RAPGEF4: variants seen among roughly 807,000 people sequenced by gnomAD.
RAPGEF4 encodes RAP guanine-nucleotide-exchange factor (GEF) 4.
A neutral mutation model predicts 147.9 loss-of-function variants in RAPGEF4; 66 were observed. The observed-to-expected ratio is 0.45, with a 90% CI of 0.37 to 0.55. The LOEUF is 0.55. Among genes scored for constraint, RAPGEF4 ranks in the 20% least tolerant of loss-of-function variants. The pLI is 0.00. For synonymous variants in RAPGEF4, 419 were observed against 442.7 expected (o/e 0.95, Z 0.67); for missense variants, 1,071 against 1,257.3 (o/e 0.85, Z 2.24).
At chr2:172,822,814 G>A (rs1041296217) in intron 4 of RAPGEF4, among the ~76,000 whole-genome samples, 2 of 152,088 alleles carry the variant, frequency 1.3e-5, no homozygotes. Context: ...TCTTACACTG[G>A]GTCTCCTCAC....
intron 10 of RAPGEF4, among the ~76,000 whole-genome samples, chr2:172,967,960 C>T (rs1433687791): frequency 2.0e-5 from 3 of 152,224 alleles, no homozygotes; most frequent in Admixed American, 2.0e-4. Flanking sequence ...TCAAGGCCCC[C>T]ATTGAGCCAC....
rs377590105 is a variant in RAPGEF4 at position 173,014,459 on chromosome 2, G to C, written c.1659-5G>C. On this transcript the variant is annotated splice_polypyrimidine_tract_variant and splice_region_variant and intron_variant, in intron 17 of 30. Transcript: ENST00000397081. Reference sequence around the variant, plus strand: ...GGCTCAATTTCTTCCTTGACTCCTCGGCACCTACCACGCACAGCCTTCACA... The same window carrying C: ...GGCTCAATTTCTTCCTTGACTCCTCCGCACCTACCACGCACAGCCTTCACA... 4 of 1,613,426 alleles carry C rather than the reference G, an allele frequency of 2.5e-6. No homozygotes were observed. Among genetic ancestry groups the C allele is most frequent in the Non-Finnish European group, 3.4e-6 (4 of 1,179,742 alleles).
At position 172,990,845 on chromosome 2, in the gene RAPGEF4, T is replaced by C; in HGVS notation, c.1410T>C (p.His470=). The C allele has an allele frequency of 6.2e-7, 1 of 1,613,998 alleles. No homozygotes were observed. Among genetic ancestry groups the C allele is most frequent in the Non-Finnish European group, 8.5e-7 (1 of 1,179,908 alleles). ...CGAATACAGTCAGACTTAAAGAACA[T>C]GACCAAGATGTCTTGGTGCTGGAGA... is the stretch of plus-strand genomic sequence containing the variant. ...VEANTVRLKE[H]DQDVLVLEKV... is the part of the protein sequence containing the mutation. Residue 470 remains histidine (H), a synonymous_variant, in exon 15 of 31, where the codon CAT becomes CAC. Coordinates refer to ENST00000397081, the MANE Select transcript of RAPGEF4 (RefSeq NM_007023.4).
rs1249961508 is a variant in RAPGEF4, at chr2:173,011,426, G to A, written c.1659-3038G>A. On this transcript the variant is annotated intron_variant, in intron 17 of 30. Transcript: ENST00000397081. ...CTCTCTGAATCTCCTTTTCCCCACCGGTAAATATTTCCTCCTCAGGTTTGT... is the reference window on the plus strand; with the variant it reads ...CTCTCTGAATCTCCTTTTCCCCACCAGTAAATATTTCCTCCTCAGGTTTGT... Among the ~76,000 whole-genome samples, 6 of 151,828 alleles carry A rather than the reference G, an allele frequency of 4.0e-5. 1 individual carries two copies. The highest frequency in any genetic ancestry group is 4.2e-4 in the South Asian group (2 of 4,816).
chr2:172,843,754 G>A (rs1691869871), intron 4 of RAPGEF4, among the ~76,000 whole-genome samples: 1 of 152,078 alleles, frequency 6.6e-6, no homozygotes, highest in Admixed American at 6.5e-5. Context: ...CTAGATCTGA[G>A]TCATAATTTC....
At chr2:172,880,583 A>C (rs1198626502) in intron 4 of RAPGEF4, among the ~76,000 whole-genome samples, 1 of 152,226 alleles carries the variant, frequency 6.6e-6, no homozygotes, top group Non-Finnish European at 1.5e-5. Context: ...GGTTGGATAT[A>C]AGGGAAATGT....
At chr2:172,863,113 CAAA>C (rs982355611) in intron 4 of RAPGEF4, among the ~76,000 whole-genome samples, 1 of 151,820 alleles carries the variant, frequency 6.6e-6, no homozygotes, top group Non-Finnish European at 1.5e-5. Context: ...AATAGGGTGA[CAAA>C]GAAGAAAGAA....
At chr2:172,770,014 C>T (rs555410142) in intron 1 of RAPGEF4, among the ~76,000 whole-genome samples, 40 of 152,258 alleles carry the variant, frequency 2.6e-4, no homozygotes, top group Admixed American at 7.8e-4. Flanking sequence ...GTCTAACACC[C>T]TTCTAAAGAG....
chr2:172,916,425 A>C (rs1459547760), intron 4 of RAPGEF4, among the ~76,000 whole-genome samples: 1 of 152,200 alleles, frequency 6.6e-6, no homozygotes, highest in Non-Finnish European at 1.5e-5. Context: ...TTTACAGTCC[A>C]GCATAATATG....
chr2:172,778,807 G>T (rs1418764456), intron 1 of RAPGEF4, among the ~76,000 whole-genome samples: 2 of 152,084 alleles, frequency 1.3e-5, no homozygotes, highest in African/African-American at 4.8e-5. Flanking sequence ...GCTCACAGGA[G>T]AAAAAGTGAA....
At chr2:172,977,781 T>G (rs1445347215) in intron 10 of RAPGEF4, among the ~76,000 whole-genome samples, 1 of 152,196 alleles carries the variant, frequency 6.6e-6, no homozygotes, top group Non-Finnish European at 1.5e-5. Flanking sequence ...TTGCTAGCTG[T>G]GTATATACTC....
At chr2:173,051,533 G>A in intron 30 of RAPGEF4, 107 bp from the exon 31 acceptor site, 1 of 1,253,616 alleles carries the variant, frequency 8.0e-7, no homozygotes, top group South Asian at 1.7e-5. Flanking sequence ...AGGTCTTGAG[G>A]GAACCCAGGA....
intron 15 of RAPGEF4, among the ~76,000 whole-genome samples, chr2:172,992,671 C>T (rs1331725236): frequency 6.6e-6 from 1 of 152,070 alleles, no homozygotes; most frequent in Non-Finnish European, 1.5e-5. Flanking sequence ...AAGAAGAGAC[C>T]GTATGTTTTA....
chr2:173,037,137 C>T (rs1684127826), intron 29 of RAPGEF4, among the ~76,000 whole-genome samples: 1 of 152,168 alleles, frequency 6.6e-6, no homozygotes, highest in Non-Finnish European at 1.5e-5. Flanking sequence ...ACTGCTTACC[C>T]CAATAAAGTT....
intron 4 of RAPGEF4, among the ~76,000 whole-genome samples, chr2:172,913,766 A>G (rs182722867): frequency 6.6e-6 from 1 of 152,294 alleles, no homozygotes; most frequent in Non-Finnish European, 1.5e-5. Flanking sequence ...GAGTTTAATA[A>G]TACATGTAAA....
chr2:172,758,553 T>C (rs1472806961), intron 1 of RAPGEF4, among the ~76,000 whole-genome samples: 1 of 152,142 alleles, frequency 6.6e-6, no homozygotes, highest in Non-Finnish European at 1.5e-5. Flanking sequence ...GTGGCTTGGA[T>C]CAGGGGAACA....
At chr2:172,922,433 TG>T in intron 6 of RAPGEF4, 133 bp downstream of exon 6, 1 of 878,558 alleles carries the variant, frequency 1.1e-6, no homozygotes, top group East Asian at 2.5e-5. Context: ...AATCTCATTC[TG>T]GCATCTTTGG....
At chr2:173,020,753 C>T in intron 23 of RAPGEF4, 38 bp downstream of exon 23, 1 of 1,524,144 alleles carries the variant, frequency 6.6e-7, no homozygotes, top group South Asian at 1.2e-5. Context: ...GCATTGCAAT[C>T]AGAAAAACTT....
chr2:172,911,758 CTTTTTTTTTTT>C (rs34659758), intron 4 of RAPGEF4, among the ~76,000 whole-genome samples: 1 of 63,220 alleles, frequency 1.6e-5, no homozygotes, highest in African/African-American at 7.1e-5. Context: ...TGTGCTAAGC[CTTTTTTTTTTT>C]TTTTTTTTTT....
Sources: gnomAD v4.1 joint callset for allele counts (sites outside exome capture counted in the v4.1 genomes callset) on GRCh38, gnomAD v4.1.1 for gene constraint, MANE v1.5 for transcripts, NCBI Gene and HGNC (gene_info 2026-07-23, HGNC 2026-07-21) for gene names.